ASCC3: variants seen among roughly 807,000 people sequenced by gnomAD.
The protein encoded by ASCC3 is ASC-1 complex subunit P200.
A neutral mutation model predicts 256.3 loss-of-function variants in ASCC3; 158 were observed. The observed-to-expected ratio is 0.62, with a 90% CI of 0.54 to 0.70. The LOEUF is 0.70. Ranked by LOEUF, ASCC3 falls within the 30% of genes least tolerant of loss-of-function variation. The probability of loss-of-function intolerance (pLI) is 0.00; values close to 1 mark genes in which losing one functional copy is unlikely to be tolerated. For missense variants in ASCC3, 2,259 were observed against 2,626.0 expected (o/e 0.86, Z 3.05); for synonymous variants, 948 against 883.4 (o/e 1.07, Z -1.30).
Position 100,718,106 on chromosome 6 carries a change from T to A in ASCC3, c.2048A>T (p.Gln683Leu). 6.2e-7 allele frequency: 1 copy of A among 1,613,562 alleles called. No individual in the cohort carries two copies. The highest frequency in any genetic ancestry group is 8.5e-7 in the Non-Finnish European group (1 of 1,179,708). The change falls in exon 12 of 42, where the codon CAG becomes CTG. Residue 683 changes from glutamine to leucine, a missense_variant. Physicochemically the swap from Gln to Leu is moderately radical, Grantham distance 113. Around this residue, in one of 2 missense-constraint regions of ASCC3, gnomAD observed 1,839 missense variants for 2,206.7 expected, o/e 0.83. Coordinates refer to ENST00000369162, the MANE Select transcript of ASCC3 (RefSeq NM_006828.4). ...DGRFRPVPLG[Q>L]TFLGIKCANK... ...TGCACATTTAATCCCCAAAAATGTC[T>A]GTCCAAGAGGTACTGGTCGAAAACG...
At chr6:100,534,570 C>T (rs562114856) in intron 37 of ASCC3, among the ~76,000 whole-genome samples, 1 of 152,066 alleles carries the variant, frequency 6.6e-6, no homozygotes, top group Non-Finnish European at 1.5e-5. Flanking sequence ...CATAAATATG[C>T]AATTTACAAA....
chr6:100,520,424 CCTT>C (rs951046780), intron 37 of ASCC3, among the ~76,000 whole-genome samples: 52 of 151,052 alleles, frequency 3.4e-4, no homozygotes, highest in African/African-American at 1.0e-3. Context: ...TCCTTCTTCT[CCTT>C]CTTCTTCTTT....
chr6:100,527,498 C>T (rs905170888), intron 37 of ASCC3, among the ~76,000 whole-genome samples: 1 of 152,132 alleles, frequency 6.6e-6, no homozygotes, highest in Non-Finnish European at 1.5e-5. Context: ...TGTATTTAAA[C>T]TCTGCAATTC....
intron 14 of ASCC3, among the ~76,000 whole-genome samples, chr6:100,670,959 C>T (rs1450412021): frequency 6.6e-6 from 1 of 151,924 alleles, no homozygotes; most frequent in Non-Finnish European, 1.5e-5. Context: ...GTAATATCCA[C>T]ATTGTGACAT....
intron 10 of ASCC3, among the ~76,000 whole-genome samples, chr6:100,735,802 A>T (rs924972120): frequency 2.6e-4 from 40 of 152,326 alleles, no homozygotes; most frequent in African/African-American, 8.4e-4. Flanking sequence ...AGTATGATAC[A>T]ATTTTTATTA....
intron 3 of ASCC3, among the ~76,000 whole-genome samples, chr6:100,863,804 G>A (rs969026905): frequency 6.6e-6 from 1 of 151,924 alleles, no homozygotes; most frequent in Non-Finnish European, 1.5e-5. Context: ...TGTATTTTTA[G>A]TAGAGACAGG....
chr6:100,554,020 G>C (rs1184327944), intron 36 of ASCC3, among the ~76,000 whole-genome samples: 3 of 152,114 alleles, frequency 2.0e-5, no homozygotes, highest in Non-Finnish European at 4.4e-5. Context: ...CTAAATATGA[G>C]ATATGCCTTT....
At chr6:100,854,466 TTAC>T (rs1207101012) in intron 3 of ASCC3, among the ~76,000 whole-genome samples, 2 of 152,148 alleles carry the variant, frequency 1.3e-5, no homozygotes, top group African/African-American at 4.8e-5. Context: ...GTTAAAATTA[TTAC>T]TACATTTACA....
chr6:100,595,018 G>A (rs1389034281), intron 34 of ASCC3, among the ~76,000 whole-genome samples: 1 of 152,036 alleles, frequency 6.6e-6, no homozygotes, highest in Non-Finnish European at 1.5e-5. Flanking sequence ...GAAGTAGAGG[G>A]TAGGATGTCA....
intron 36 of ASCC3, among the ~76,000 whole-genome samples, chr6:100,587,800 C>T (rs1042668669): frequency 6.6e-6 from 1 of 152,156 alleles, no homozygotes; most frequent in Non-Finnish European, 1.5e-5. Flanking sequence ...AAGAAACATG[C>T]TGCTGACAGG....
intron 5 of ASCC3, among the ~76,000 whole-genome samples, chr6:100,803,862 T>C (rs1392298358): frequency 6.6e-6 from 1 of 152,070 alleles, no homozygotes; most frequent in Non-Finnish European, 1.5e-5. Flanking sequence ...ACAAGAAGGA[T>C]AGATGTTGAA....
intron 10 of ASCC3, among the ~76,000 whole-genome samples, chr6:100,759,173 TC>T (rs1027586826): frequency 3.9e-5 from 6 of 152,330 alleles, no homozygotes; most frequent in African/African-American, 1.4e-4. Flanking sequence ...AAAAATTTTC[TC>T]CCATTCTGTA....
chr6:100,656,176 C>G (rs1775906289), intron 16 of ASCC3, among the ~76,000 whole-genome samples: 1 of 151,418 alleles, frequency 6.6e-6, no homozygotes, highest in Non-Finnish European at 1.5e-5. Flanking sequence ...TGTGACTACA[C>G]TGCTGAAAAA....
intron 34 of ASCC3, among the ~76,000 whole-genome samples, chr6:100,594,724 T>G (rs752301741): frequency 6.6e-6 from 1 of 152,134 alleles, no homozygotes; most frequent in African/African-American, 2.4e-5. Flanking sequence ...TGAAGAGACG[T>G]CTGCACTCCT....
chr6:100,859,252 C>T (rs1464557360), intron 3 of ASCC3: 1 of 778,766 alleles, frequency 1.3e-6, no homozygotes, highest in Non-Finnish European at 2.4e-6. Flanking sequence ...GGGTTAATTT[C>T]TGCTTCCACA....
intron 13 of ASCC3, among the ~76,000 whole-genome samples, chr6:100,711,297 T>A (rs1472217466): frequency 6.6e-6 from 1 of 152,156 alleles, no homozygotes; most frequent in South Asian, 2.1e-4. Context: ...ACAAAAGATA[T>A]CGTAAGATGT....
intron 36 of ASCC3, among the ~76,000 whole-genome samples, chr6:100,578,918 A>G (rs1199109831): frequency 2.0e-5 from 3 of 152,080 alleles, no homozygotes; most frequent in Non-Finnish European, 4.4e-5. Flanking sequence ...ACTGCTTTCC[A>G]CAACGACTGA....
intron 13 of ASCC3, among the ~76,000 whole-genome samples, chr6:100,683,306 A>G (rs917866677): frequency 6.6e-5 from 10 of 152,174 alleles, no homozygotes; most frequent in African/African-American, 2.2e-4. Context: ...ACATAAGGGA[A>G]AACAGAATAC....
chr6:100,543,807 G>A (rs748680929), intron 36 of ASCC3, among the ~76,000 whole-genome samples: 10 of 151,920 alleles, frequency 6.6e-5, no homozygotes, highest in African/African-American at 2.4e-4. Flanking sequence ...AAAACAAGTC[G>A]AAAAAATCAG....
Sources: allele counts gnomAD v4.1 joint callset (sites outside exome capture counted in the v4.1 genomes callset), GRCh38; gene constraint gnomAD v4.1.1; regional missense constraint gnomAD v4.1.1; transcripts MANE v1.5; gene names NCBI Gene and HGNC (gene_info 2026-07-23, HGNC 2026-07-21).